The following RAB33A variants were observed in gnomAD, a reference collection of about 807,000 sequenced individuals.
RAB33A encodes the protein ras-related protein Rab-33A.
A neutral mutation model predicts 12.0 loss-of-function variants in RAB33A; 6 were observed. The ratio of observed to expected loss-of-function variants is 0.50; its 90% CI spans 0.27 to 0.99. The LOEUF is 0.99. Among genes scored for constraint, RAB33A ranks in the 50% least tolerant of loss-of-function variants. The probability of loss-of-function intolerance (pLI) is 0.11; values close to 1 mark genes in which losing one functional copy is unlikely to be tolerated. For synonymous variants in RAB33A, 70 were observed against 82.4 expected (o/e 0.85, Z 0.81); for missense variants, 109 against 192.0 (o/e 0.57, Z 2.55).
At chrX:130,111,213 C>T in the RAB33A span, among the ~76,000 whole-genome samples, 40 of 111,358 alleles carry the variant, frequency 3.6e-4, 1 homozygote, top group Admixed American at 3.5e-3. Flanking sequence ...GCGGCCCGGG[C>T]GGGCGCTCCC....
chrX:130,134,922 A>G, the RAB33A span, among the ~76,000 whole-genome samples: 5 of 111,730 alleles, frequency 4.5e-5, no homozygotes, highest in Non-Finnish European at 9.4e-5. Context: ...AGAGCAGAAT[A>G]TTATATATAG....
chrX:130,123,554 C>T, the RAB33A span, among the ~76,000 whole-genome samples: 17 of 109,010 alleles, frequency 1.6e-4, no homozygotes, highest in African/African-American at 5.0e-4. Flanking sequence ...ATTAGCATGG[C>T]GGCATGGTGG....
At chrX:130,157,136 T>A in the RAB33A span, among the ~76,000 whole-genome samples, 1 of 111,451 alleles carries the variant, frequency 9.0e-6, no homozygotes, top group African/African-American at 3.3e-5. Context: ...GAAAAAAAAA[T>A]TTTAATGAGT....
the RAB33A span, among the ~76,000 whole-genome samples, chrX:130,158,590 A>C: frequency 9.1e-6 from 1 of 109,797 alleles, no homozygotes; most frequent in Non-Finnish European, 1.9e-5. Flanking sequence ...ATTGAGAACC[A>C]TCTGTCTAGA....
At chrX:130,162,737 C>T in the RAB33A span, among the ~76,000 whole-genome samples, 1 of 111,554 alleles carries the variant, frequency 9.0e-6, no homozygotes, top group Non-Finnish European at 1.9e-5. Flanking sequence ...GAAAAACGTT[C>T]AAACATTTGA....
chrX:130,131,608 C>T, the RAB33A span: 3 of 1,193,042 alleles, frequency 2.5e-6, no homozygotes, highest in Non-Finnish European at 3.4e-6. Context: ...ACAGAAACCC[C>T]TTGTTCAGGA....
At chrX:130,167,243 G>A (rs757182110), upstream of RAB33A, among the ~76,000 whole-genome samples, 1 of 112,792 alleles carries the variant, frequency 8.9e-6, no homozygotes, top group African/African-American at 3.2e-5. Context: ...TCCTGGCTCT[G>A]CCACCTGGGC....
In RAB33A at chrX:130,184,352, A is replaced by G; in HGVS notation, c.326A>G (p.Asn109Ser). The change falls in exon 2 of 2, where the codon AAC becomes AGC. Residue 109 changes from asparagine (N) to serine (S), a missense_variant. By Grantham distance (46) the Asn-to-Ser change is conservative (BLOSUM62 1). Coordinates refer to ENST00000257017, the MANE Select transcript of RAB33A (RefSeq NM_004794.3). Reference protein sequence around the residue: ...RKSMVEHYYRNVHAVVFVYDV... With the variant: ...RKSMVEHYYRSVHAVVFVYDV... Reference sequence around the variant, plus strand: ...AGCATGGTCGAGCATTACTACCGCAACGTACATGCCGTGGTCTTCGTCTAT... The same window carrying G: ...AGCATGGTCGAGCATTACTACCGCAGCGTACATGCCGTGGTCTTCGTCTAT... 8.3e-7 allele frequency: 1 copy of G among 1,211,733 alleles called. No homozygotes were observed.
chrX:130,172,047 G>A lies in RAB33A; in HGVS notation c.-16G>A. 1.7e-6 allele frequency: 2 copies of A among 1,196,354 alleles called. No homozygotes were observed. The highest frequency in any genetic ancestry group is 1.1e-6 in the Non-Finnish European group (1 of 888,813). ...GCCCTCAAGGGGGGTTGGGGCCCCG[G>A]TTCGGTCCGGGGGAGATGGCGCAGC... On this transcript the variant is annotated 5_prime_UTR_variant, in exon 1 of 2. Coordinates refer to ENST00000257017, the MANE Select transcript of RAB33A (RefSeq NM_004794.3).
chrX:130,113,077 C>CCTTCT, the RAB33A span, among the ~76,000 whole-genome samples: 1 of 46,994 alleles, frequency 2.1e-5, no homozygotes, highest in Non-Finnish European at 3.6e-5. Context: ...TTTTTTCCTT[C>CCTTCT]TTTTTTTTTT....
At chrX:130,145,382 G>C in the RAB33A span, 1 of 665,599 alleles carries the variant, frequency 1.5e-6, no homozygotes, top group African/African-American at 2.2e-5. Context: ...AACTACAATG[G>C]CAGGACAGAC....
chrX:130,172,109 C>T lies in RAB33A; in HGVS notation c.47C>T (p.Ala16Val), dbSNP rs766845960. 1.7e-5 allele frequency: 21 copies of T among 1,210,568 alleles called. No individual in the cohort carries two copies. In the South Asian group the frequency reaches 3.3e-4, roughly 19 times the overall value. The change falls in exon 1 of 2, where the codon GCC becomes GTC. Residue 16 changes from alanine to valine, a missense_variant. Transcript: ENST00000257017. ...CATGGGAGCCTGCAGCCCGCCTCGG[C>T]CGCTGGCCTGGCGTCCCTGGAGCTC... is the stretch of plus-strand genomic sequence containing the variant. ...LGHGSLQPAS[A>V]AGLASLELDS...
intron 1 of RAB33A, among the ~76,000 whole-genome samples, chrX:130,182,492 T>C (rs1265723380): frequency 9.0e-6 from 1 of 110,922 alleles, no homozygotes; most frequent in African/African-American, 3.3e-5. Context: ...TGGTGGCTCA[T>C]GCCTGTAATC....
chrX:130,146,245 T>C, the RAB33A span, among the ~76,000 whole-genome samples: 6 of 110,655 alleles, frequency 5.4e-5, no homozygotes, highest in East Asian at 1.1e-3. Context: ...TGAGACCAGA[T>C]TGGGCAACAT....
At position 130,178,720 on chromosome X, in the gene RAB33A, C is replaced by T. The variant is rs1473778862; in HGVS notation, c.259-5565C>T. Among the ~76,000 whole-genome samples, 7 of 109,800 alleles carry T rather than the reference C, an allele frequency of 6.4e-5. No homozygotes were observed. In the East Asian group the frequency reaches 1.4e-3, roughly 23 times the overall value. On this transcript the variant is annotated intron_variant, in intron 1 of 1. Transcript: ENST00000257017. ...AGGCTGGAGTGCAGTGGCGCCATCT[C>T]GACTCACTGCAAGCTCCGCCTCCCA...
At chrX:130,131,796 A>G in the RAB33A span, 1 of 1,211,287 alleles carries the variant, frequency 8.3e-7, no homozygotes, top group Non-Finnish European at 1.1e-6. Context: ...GGCCCAAATC[A>G]CTCCTAAGAA....
chrX:130,122,201 T>A, the RAB33A span, among the ~76,000 whole-genome samples: 5 of 112,195 alleles, frequency 4.5e-5, no homozygotes, highest in East Asian at 1.4e-3. Flanking sequence ...TCATCACCTC[T>A]CCACTGGGGT....
chrX:130,122,439 T>C, the RAB33A span, among the ~76,000 whole-genome samples: 1 of 112,424 alleles, frequency 8.9e-6, no homozygotes, highest in Non-Finnish European at 1.9e-5. Context: ...ACTTTCCTTT[T>C]GTCTGTATGA....
the RAB33A span, among the ~76,000 whole-genome samples, chrX:130,128,597 T>A: frequency 2.7e-5 from 3 of 112,276 alleles, no homozygotes; most frequent in Non-Finnish European, 3.8e-5. Context: ...AAGATTTGAT[T>A]TTTAAAAGTT....
Sources: allele counts gnomAD v4.1 joint callset (sites outside exome capture counted in the v4.1 genomes callset), GRCh38; gene constraint gnomAD v4.1.1; transcripts MANE v1.5; gene names NCBI Gene and HGNC (gene_info 2026-07-23, HGNC 2026-07-21).